FAF2: variants seen among roughly 807,000 people sequenced by gnomAD.
FAF2 encodes Fas associated factor family member 2, also known as FAS-associated factor 2.
In FAF2, 9 loss-of-function variants were observed where a neutral mutation model predicts 62.3. The observed-to-expected ratio is 0.14, with a 90% CI of 0.09 to 0.25. The LOEUF (loss-of-function observed/expected upper bound fraction) is 0.25, where lower values mean the gene tolerates loss of function less well. Among genes scored for constraint, FAF2 ranks in the 10% least tolerant of loss-of-function variants. The pLI is 1.00. For missense variants in FAF2, 368 were observed against 556.2 expected (o/e 0.66, Z 3.40); for synonymous variants, 202 against 198.0 (o/e 1.02, Z -0.17).
At chr5:176,503,759 A>G (rs906295823) in intron 10 of FAF2, among the ~76,000 whole-genome samples, 1 of 152,218 alleles carries the variant, frequency 6.6e-6, no homozygotes, top group African/African-American at 2.4e-5. Flanking sequence ...AAACAAATGT[A>G]TAAGAGATAA....
chr5:176,499,503 G>A (rs1332635294), intron 9 of FAF2, among the ~76,000 whole-genome samples: 1 of 151,518 alleles, frequency 6.6e-6, no homozygotes, highest in African/African-American at 2.4e-5. Context: ...GTTTTGTTTT[G>A]TTTTGTTGTT....
chr5:176,491,988 T>C (rs1463510300), intron 4 of FAF2, among the ~76,000 whole-genome samples: 1 of 152,238 alleles, frequency 6.6e-6, no homozygotes, highest in East Asian at 1.9e-4. Context: ...GTTTGCATTC[T>C]TCCTGAACAG....
chr5:176,486,102 T>C (rs1043123650), intron 2 of FAF2, among the ~76,000 whole-genome samples: 1 of 152,232 alleles, frequency 6.6e-6, no homozygotes, highest in Non-Finnish European at 1.5e-5. Flanking sequence ...ATCCAGGCAG[T>C]ACGCTTGCTG....
intron 3 of FAF2, 105 bp downstream of exon 3, chr5:176,486,594 T>C (rs889461148): frequency 6.7e-6 from 8 of 1,201,608 alleles, no homozygotes; most frequent in Non-Finnish European, 9.4e-6. Context: ...ATTTAGAATG[T>C]AAACCTGTTA....
intron 3 of FAF2, among the ~76,000 whole-genome samples, chr5:176,487,452 GA>G (rs1758895022): frequency 6.6e-6 from 1 of 152,130 alleles, no homozygotes; most frequent in Non-Finnish European, 1.5e-5. Context: ...CAAAGTGCTG[GA>G]ATTACAGGCT....
chr5:176,481,869 A>T (rs1167522246), intron 2 of FAF2, among the ~76,000 whole-genome samples: 1 of 152,164 alleles, frequency 6.6e-6, no homozygotes, highest in African/African-American at 2.4e-5. Context: ...CTTTGGGTCT[A>T]TACCTAGGAA....
chr5:176,483,052 T>G (rs895989572), intron 2 of FAF2, among the ~76,000 whole-genome samples: 16 of 151,582 alleles, frequency 1.1e-4, no homozygotes, highest in Non-Finnish European at 2.4e-4. Flanking sequence ...TTTATTTATT[T>G]TTATTTATTT....
At chr5:176,488,834 C>T (rs2963667) in intron 3 of FAF2, 117 bp from the exon 4 acceptor site, 753,248 of 769,112 alleles carry the variant, frequency 0.98, 368,918 homozygotes, top group East Asian at 1. Context: ...AGGAACTGTA[C>T]TTTAGAGGAA....
intron 5 of FAF2, among the ~76,000 whole-genome samples, chr5:176,492,713 A>G (rs1451938200): frequency 6.6e-6 from 1 of 152,140 alleles, no homozygotes; most frequent in Admixed American, 6.5e-5. Context: ...GTCACGCCCC[A>G]CTTACAGCTA....
intron 1 of FAF2, among the ~76,000 whole-genome samples, chr5:176,459,750 A>AG (rs1435859645): frequency 6.6e-6 from 1 of 152,172 alleles, no homozygotes; most frequent in African/African-American, 2.4e-5. Context: ...ATTTTAGATG[A>AG]GGGGGTACAT....
intron 10 of FAF2, among the ~76,000 whole-genome samples, chr5:176,502,992 G>A (rs1755620668): frequency 1.3e-5 from 2 of 151,952 alleles, no homozygotes; most frequent in Admixed American, 1.3e-4. Context: ...TGGTTGCAGT[G>A]GACCGAGACT....
At chr5:176,460,458 T>C (rs1424798432) in intron 1 of FAF2, among the ~76,000 whole-genome samples, 6 of 152,050 alleles carry the variant, frequency 3.9e-5, no homozygotes, top group Non-Finnish European at 8.8e-5. Flanking sequence ...GGTAACTCAT[T>C]GTGATTTTGA....
At chr5:176,474,492 A>G (rs1262419619) in intron 1 of FAF2, among the ~76,000 whole-genome samples, 3 of 152,152 alleles carry the variant, frequency 2.0e-5, no homozygotes, top group African/African-American at 7.2e-5. Context: ...TTTTCTAGAC[A>G]ATTAGATTCT....
intron 1 of FAF2, among the ~76,000 whole-genome samples, chr5:176,472,483 A>C (rs1758589197): frequency 1.3e-5 from 2 of 151,950 alleles, no homozygotes; most frequent in Non-Finnish European, 2.9e-5. Context: ...GGGTCTTGCT[A>C]TGTTGTTCAG....
intron 1 of FAF2, among the ~76,000 whole-genome samples, chr5:176,451,300 G>A (rs1758163511): frequency 6.6e-6 from 1 of 152,196 alleles, no homozygotes; most frequent in African/African-American, 2.4e-5. Context: ...GAACCCGGGA[G>A]GTGGAGGTTG....
At chr5:176,483,832 T>C (rs1220971302) in intron 2 of FAF2, among the ~76,000 whole-genome samples, 1 of 152,138 alleles carries the variant, frequency 6.6e-6, no homozygotes, top group Non-Finnish European at 1.5e-5. Context: ...ATCCCAGCCC[T>C]TTCGGAGGCC....
rs1755748576 is a variant in FAF2, at chr5:176,509,881, A to G, written c.*2931A>G. 1 of 152,650 alleles carries G rather than the reference A, an allele frequency of 6.6e-6. No homozygotes were observed. Among genetic ancestry groups the G allele is most frequent in the Non-Finnish European group, 1.5e-5 (1 of 68,044 alleles). The allele number at this position is 152,650 out of a possible 1,614,324, so 9.5% of individuals were successfully genotyped here. On this transcript the variant is annotated 3_prime_UTR_variant, in exon 11 of 11. Transcript: ENST00000261942. Reference sequence around the variant, plus strand: ...CTTGAACAAGGAGCTCCGCTCTACAACTGGTTTTTTTAGGACTTGTGAGGA... The same window carrying G: ...CTTGAACAAGGAGCTCCGCTCTACAGCTGGTTTTTTTAGGACTTGTGAGGA...
chr5:176,461,473 A>G (rs1253453642), intron 1 of FAF2, among the ~76,000 whole-genome samples: 1 of 151,166 alleles, frequency 6.6e-6, no homozygotes, highest in Non-Finnish European at 1.5e-5. Flanking sequence ...GTACACCACC[A>G]CACTGGGCTA....
At chr5:176,473,883 C>A (rs1029901906) in intron 1 of FAF2, among the ~76,000 whole-genome samples, 6 of 152,132 alleles carry the variant, frequency 3.9e-5, no homozygotes, top group Non-Finnish European at 8.8e-5. Context: ...GGATTACAGG[C>A]ATGAGCCACC....
Sources: allele counts gnomAD v4.1 joint callset (sites outside exome capture counted in the v4.1 genomes callset), GRCh38; gene constraint gnomAD v4.1.1; transcripts MANE v1.5; gene names NCBI Gene and HGNC (gene_info 2026-07-23, HGNC 2026-07-21).